The following NPHP4 variants were observed in gnomAD, a reference collection of about 807,000 sequenced individuals.
NPHP4 encodes nephrocystin 4, also known as nephrocystin-4.
A neutral mutation model predicts 155.8 loss-of-function variants in NPHP4; 151 were observed. That is an observed-to-expected ratio of 0.97 (90% CI 0.85 to 1.11). The LOEUF (loss-of-function observed/expected upper bound fraction) is 1.11, where lower values mean the gene tolerates loss of function less well. Among genes scored for constraint, NPHP4 ranks in the 50% least tolerant of loss-of-function variants. NPHP4 has a pLI of 0.00. For missense variants in NPHP4, 1,956 were observed against 1,925.7 expected (o/e 1.02, Z -0.29); for synonymous variants, 845 against 816.8 (o/e 1.03, Z -0.59).
Position 5,890,371 on chromosome 1 carries a change from G to C in NPHP4, c.2304+497C>G, listed in dbSNP as rs890729140. Among the ~76,000 whole-genome samples the C allele has an allele frequency of 4.6e-5, 7 of 152,114 alleles. No homozygotes were observed. The highest frequency in any genetic ancestry group is 1.7e-4 in the African/African-American group (7 of 41,432). ...AGGGAAGACGAGTGAAAGAATCCAT[G>C]GATTTAGGTTTTAGTATACAAGGAG... On this transcript the variant is annotated intron_variant, in intron 17 of 29. Transcript: ENST00000378156. The surrounding 1 kb of genome is among the most constrained non-coding windows in gnomAD (Gnocchi z 4.9).
At chr1:5,887,513 T>G (rs369539726) in intron 17 of NPHP4, 47 bp from the exon 18 acceptor site, 3 of 1,594,176 alleles carry the variant, frequency 1.9e-6, no homozygotes, top group African/African-American at 2.7e-5. Context: ...GGCCCTGGGC[T>G]GCTTCCACCA....
chr1:5,913,597 C>T lies in NPHP4; in HGVS notation c.1442-4384G>A, dbSNP rs74049313. ...AGGGCCTGCACTCTGATCCCAACCC[C>T]GGGAGGCCACGCATCCCACCTGGTC... On this transcript the variant is annotated intron_variant, in intron 11 of 29. Transcript: ENST00000378156. Among the ~76,000 whole-genome samples, 726 of 152,322 alleles carry T rather than the reference C, an allele frequency of 4.8e-3. 6 individuals carry two copies. The highest frequency in any genetic ancestry group is 0.017 in the African/African-American group (689 of 41,582).
intron 2 of NPHP4, among the ~76,000 whole-genome samples, chr1:5,984,309 G>C (rs1431136982): frequency 4.6e-5 from 7 of 152,078 alleles, no homozygotes; most frequent in Non-Finnish European, 1.0e-4. Context: ...GAGGCGGGCA[G>C]ATCACCTGAG....
intron 12 of NPHP4, among the ~76,000 whole-genome samples, chr1:5,908,315 G>C (rs942521953): frequency 1.3e-5 from 2 of 152,196 alleles, no homozygotes; most frequent in African/African-American, 4.8e-5. Context: ...GCGCCTTTAG[G>C]TGAATCCAGT....
intron 9 of NPHP4, among the ~76,000 whole-genome samples, chr1:5,941,483 A>G (rs1646813944): frequency 6.6e-6 from 1 of 152,136 alleles, no homozygotes; most frequent in African/African-American, 2.4e-5. Context: ...AGGAAAAAAA[A>G]TAAAAAGATA....
chr1:5,894,399 G>A (rs116556678), intron 16 of NPHP4, among the ~76,000 whole-genome samples: 4,210 of 150,718 alleles, frequency 0.028, 194 homozygotes, highest in African/African-American at 0.097. Context: ...GAAGTAAGCT[G>A]AGATCACGCC....
chr1:5,887,490 A>G (rs757302655), intron 17 of NPHP4, 24 bp from the exon 18 acceptor site: 32 of 1,610,068 alleles, frequency 2.0e-5, no homozygotes, highest in Non-Finnish European at 2.7e-5. Context: ...AAGCGCGTTC[A>G]GAGGCTGGAG....
chr1:5,956,064 G>GGT (rs1250002757), intron 6 of NPHP4, among the ~76,000 whole-genome samples: 1 of 143,222 alleles, frequency 7.0e-6, no homozygotes, highest in Non-Finnish European at 1.5e-5. Context: ...AAAGCTGGGG[G>GGT]GGGGGGGTGC....
chr1:5,890,798 C>T lies in NPHP4; in HGVS notation c.2304+70G>A, dbSNP rs1644081715. The T allele has an allele frequency of 3.4e-6, 5 of 1,482,406 alleles. No individual in the cohort carries two copies. Among genetic ancestry groups the T allele is most frequent in the East Asian group, 2.4e-5 (1 of 41,330 alleles). The allele number at this position is 1,482,406 out of a possible 1,614,324, so 91.8% of individuals were successfully genotyped here. A position where few individuals can be genotyped will look rare whatever the true frequency, so the allele number is the denominator to read the frequency against. ...CGCCCGCTCCTTCCAAGCAGACAGACGCTGGAAGCGTGACTCGTCCCATGA... is the reference window on the plus strand; with the variant it reads ...CGCCCGCTCCTTCCAAGCAGACAGATGCTGGAAGCGTGACTCGTCCCATGA... On this transcript the variant is annotated intron_variant, in intron 17 of 29. Transcript: ENST00000378156. This position sits in a 1 kb window ranked among gnomAD's most constrained non-coding sequence, Gnocchi z 4.9.
intron 16 of NPHP4, 133 bp from the exon 17 acceptor site, chr1:5,891,161 A>C: frequency 1.9e-6 from 1 of 523,508 alleles, no homozygotes; most frequent in Non-Finnish European, 3.2e-6. Context: ...TAAACACATT[A>C]ATCAAAAACA....
intron 23 of NPHP4, among the ~76,000 whole-genome samples, chr1:5,872,652 A>G (rs1029093547): frequency 1.3e-5 from 2 of 152,178 alleles, no homozygotes; most frequent in African/African-American, 4.8e-5. Flanking sequence ...TGAACTCTGA[A>G]TTCTGTCCTC....
At chr1:5,868,758 T>C (rs115514693) in intron 23 of NPHP4, among the ~76,000 whole-genome samples, 110 of 76,986 alleles carry the variant, frequency 1.4e-3, no homozygotes, top group African/African-American at 2.3e-3. Context: ...CATGTACACA[T>C]ATGCATGCAC....
chr1:5,870,548 A>C (rs1641890478), intron 23 of NPHP4, among the ~76,000 whole-genome samples: 1 of 152,200 alleles, frequency 6.6e-6, no homozygotes, highest in Non-Finnish European at 1.5e-5. Context: ...AGTCTGATGA[A>C]GAATAGGGTA....
At chr1:5,934,228 T>G (rs546467806) in intron 9 of NPHP4, among the ~76,000 whole-genome samples, 1 of 152,122 alleles carries the variant, frequency 6.6e-6, no homozygotes, top group African/African-American at 2.4e-5. Context: ...TGGAGCACAC[T>G]TAAGTCACCA....
At position 5,889,074 on chromosome 1, in the gene NPHP4, C is replaced by T. The variant is rs776347393; in HGVS notation, c.2305-1608G>A. Among the ~76,000 whole-genome samples, 2 of 152,178 alleles carry T rather than the reference C, an allele frequency of 1.3e-5. No homozygotes were observed. The highest frequency in any genetic ancestry group is 1.9e-4 in the East Asian group (1 of 5,200). The stretch of plus-strand genomic sequence containing the variant: ...GTCACACTGAAGGCAGCACAGGAGC[C>T]GTCCGTCCCTAGAGGAAACTCTTCT... On this transcript the variant is annotated intron_variant, in intron 17 of 29. Coordinates refer to ENST00000378156, the MANE Select transcript of NPHP4 (RefSeq NM_015102.5). The surrounding 1 kb of genome is among the most constrained non-coding windows in gnomAD (Gnocchi z 4.2).
intron 16 of NPHP4, among the ~76,000 whole-genome samples, chr1:5,898,340 C>A (rs1644496568): frequency 6.6e-6 from 1 of 152,170 alleles, no homozygotes; most frequent in East Asian, 1.9e-4. Flanking sequence ...CAGAGCCCCC[C>A]AAAAAGTGTA....
chr1:5,916,700 C>T (rs1645490596), intron 11 of NPHP4, among the ~76,000 whole-genome samples: 1 of 152,250 alleles, frequency 6.6e-6, no homozygotes, highest in East Asian at 1.9e-4. Context: ...TGGTTCCCCA[C>T]AGCTCTGCAT....
intron 11 of NPHP4, among the ~76,000 whole-genome samples, chr1:5,921,259 T>A (rs149142864): frequency 1.2e-3 from 190 of 152,362 alleles, no homozygotes; most frequent in Non-Finnish European, 1.9e-3. Flanking sequence ...AGTAAGTCAG[T>A]TTATCCATTC....
At chr1:5,978,596 T>C (rs1023272938) in intron 2 of NPHP4, among the ~76,000 whole-genome samples, 183 bp from the exon 3 acceptor site, 3 of 152,010 alleles carry the variant, frequency 2.0e-5, no homozygotes, top group African/African-American at 4.8e-5. Context: ...CCAAAGCATT[T>C]GGCCCTCCCC....
Sources: gnomAD v4.1 joint callset for allele counts (sites outside exome capture counted in the v4.1 genomes callset) on GRCh38, gnomAD v4.1.1 for gene constraint, Gnocchi (gnomAD v3.1) non-coding constraint, MANE v1.5 for transcripts, NCBI Gene and HGNC (gene_info 2026-07-23, HGNC 2026-07-21) for gene names.